The following SLIT3 variants were observed in gnomAD, a reference collection of about 807,000 sequenced individuals.
The protein encoded by SLIT3 is slit guidance ligand 3.
In SLIT3, 68 loss-of-function variants were observed where a neutral mutation model predicts 184.0. The ratio of observed to expected loss-of-function variants is 0.37; its 90% CI spans 0.30 to 0.45. The LOEUF is 0.45. Ranked by LOEUF, SLIT3 falls within the 20% of genes least tolerant of loss-of-function variation. SLIT3 has a pLI of 1.00. For missense variants in SLIT3, 1,707 were observed against 2,026.0 expected, an observed-to-expected ratio of 0.84 and a Z score of 3.02; for synonymous variants, 831 against 828.6, an observed-to-expected ratio of 1.00 and a Z score of -0.05.
At chr5:168,851,667 G>A (rs1441691230) in intron 5 of SLIT3, among the ~76,000 whole-genome samples, 5 of 152,056 alleles carry the variant, frequency 3.3e-5, no homozygotes, top group African/African-American at 1.2e-4. Context: ...AACTCCCCAA[G>A]GTTTACATGG....
intron 4 of SLIT3, among the ~76,000 whole-genome samples, chr5:168,923,930 C>A (rs751967011): frequency 1.3e-5 from 2 of 152,268 alleles, no homozygotes; most frequent in African/African-American, 4.8e-5. Flanking sequence ...AACACAGCCA[C>A]GCTCAATCAT....
rs141810924 is a variant in SLIT3 at position 169,262,992 on chromosome 5, T to C, written c.198-11533A>G. 4.4e-3 allele frequency among the ~76,000 whole-genome samples: 671 copies of C among 152,278 alleles called. 3 individuals carry two copies. The highest frequency in any genetic ancestry group is 0.015 in the African/African-American group (643 of 41,568). ...AGGGTCTTTGCAGATGTAATCAGGTTAAATTGAGGTCATTAGGGTGGACCC... is the reference window on the plus strand; with the variant it reads ...AGGGTCTTTGCAGATGTAATCAGGTCAAATTGAGGTCATTAGGGTGGACCC... On this transcript the variant is annotated intron_variant, in intron 1 of 35. Transcript: ENST00000519560.
chr5:168,811,515 A>G (rs572337544), intron 8 of SLIT3, among the ~76,000 whole-genome samples: 9 of 152,346 alleles, frequency 5.9e-5, no homozygotes, highest in African/African-American at 2.2e-4. Flanking sequence ...ACTGAAAACC[A>G]TCAGAGCCTT....
intron 4 of SLIT3, among the ~76,000 whole-genome samples, chr5:169,046,865 T>G (rs1342101245): frequency 6.6e-6 from 1 of 152,126 alleles, no homozygotes; most frequent in Non-Finnish European, 1.5e-5. Context: ...TCCAGAGCCC[T>G]CTCTCCAGGC....
At chr5:169,147,351 C>G (rs1262284463) in intron 4 of SLIT3, among the ~76,000 whole-genome samples, 1 of 152,212 alleles carries the variant, frequency 6.6e-6, no homozygotes. Flanking sequence ...TCACTGCAAC[C>G]TCCACCTCCC....
chr5:168,902,468 G>A (rs1021795549), intron 4 of SLIT3, among the ~76,000 whole-genome samples: 6 of 152,216 alleles, frequency 3.9e-5, no homozygotes, highest in African/African-American at 7.2e-5. Flanking sequence ...TGCGTGATAA[G>A]CAGTCAGAGG....
At position 169,297,136 on chromosome 5, in the gene SLIT3, C is replaced by T. The variant is rs76783968; in HGVS notation, c.197+3377G>A. ...CACCGCCATCCACTTCCTCTCCTCT[C>T]GTCCTCTATCTTTGCTGCACGGATA... On this transcript the variant is annotated intron_variant, in intron 1 of 35. Coordinates refer to ENST00000519560, the MANE Select transcript of SLIT3 (RefSeq NM_003062.4). Among the ~76,000 whole-genome samples the T allele has an allele frequency of 5.7e-3, 863 of 152,354 alleles. 12 individuals carry two copies. The highest frequency in any genetic ancestry group is 0.02 in the African/African-American group (830 of 41,582).
intron 4 of SLIT3, among the ~76,000 whole-genome samples, chr5:169,133,731 G>A (rs981608704): frequency 1.6e-4 from 24 of 152,176 alleles, no homozygotes; most frequent in African/African-American, 5.8e-4. Context: ...CAATTTCACT[G>A]CAGATGACAA....
intron 4 of SLIT3, among the ~76,000 whole-genome samples, chr5:168,897,646 G>GCGCGCGCGCGCACACACACACA: frequency 9.5e-6 from 1 of 105,448 alleles, no homozygotes; most frequent in Non-Finnish European, 2.0e-5. Context: ...ACAGGTGCAC[G>GCGCGCGCGCGCACACACACACA]TACACACACA....
At chr5:168,962,311 AACAC>A (rs70979116) in intron 4 of SLIT3, among the ~76,000 whole-genome samples, 34 of 147,628 alleles carry the variant, frequency 2.3e-4, no homozygotes, top group Non-Finnish European at 3.4e-4. Flanking sequence ...CCCACCCCAC[AACAC>A]ACACACACAC....
rs540140155 is a variant in SLIT3 at position 168,723,533 on chromosome 5, T to C, written c.2340-529A>G. ...ATTTCACTGTACCAACAAAATATGA[T>C]ACATATAATAACAATCTCTCCTTGT... is the stretch of plus-strand genomic sequence containing the variant. On this transcript the variant is annotated intron_variant, in intron 21 of 35. Transcript: ENST00000519560. Among the ~76,000 whole-genome samples the C allele has an allele frequency of 7.9e-5, 12 of 152,378 alleles. No individual in the cohort carries two copies. The South Asian group carries it at 2.5e-3, about 32-fold the overall frequency.
intron 4 of SLIT3, among the ~76,000 whole-genome samples, chr5:168,960,611 C>T (rs1338553123): frequency 6.6e-6 from 1 of 152,212 alleles, no homozygotes; most frequent in Non-Finnish European, 1.5e-5. Flanking sequence ...GAGGCATGTT[C>T]TTATTAGTGT....
intron 5 of SLIT3, among the ~76,000 whole-genome samples, chr5:168,865,983 G>C (rs1759285232): frequency 6.6e-6 from 1 of 152,126 alleles, no homozygotes; most frequent in Non-Finnish European, 1.5e-5. Context: ...TTCCTAAGCA[G>C]CTTGACCTTC....
chr5:168,856,625 C>T (rs1758878378), intron 5 of SLIT3, among the ~76,000 whole-genome samples: 1 of 152,158 alleles, frequency 6.6e-6, no homozygotes, highest in South Asian at 2.1e-4. Context: ...CACCGCTAGG[C>T]TCCCAAGTCC....
At chr5:168,812,633 C>G (rs1757198694) in intron 8 of SLIT3, among the ~76,000 whole-genome samples, 1 of 152,168 alleles carries the variant, frequency 6.6e-6, no homozygotes, top group Non-Finnish European at 1.5e-5. Flanking sequence ...AATTAAGCAT[C>G]CTTACTGGCC....
At chr5:168,666,836 T>G (rs1356188963) in intron 35 of SLIT3, 147 bp from the exon 36 acceptor site, 1 of 1,307,810 alleles carries the variant, frequency 7.6e-7, no homozygotes, top group South Asian at 1.3e-5. Flanking sequence ...CTCCCCTCCA[T>G]CCACCCATCT....
At chr5:168,986,978 G>T (rs954683735) in intron 4 of SLIT3, among the ~76,000 whole-genome samples, 4 of 152,202 alleles carry the variant, frequency 2.6e-5, no homozygotes. Context: ...AACCCGGGAG[G>T]CAGAGGTTGC....
intron 23 of SLIT3, chr5:168,718,083 AC>A (rs1228925506): frequency 6.6e-6 from 1 of 151,916 alleles, no homozygotes; most frequent in East Asian, 1.9e-4. Context: ...CAAAGTGCCA[AC>A]CCTGGACCAT....
intron 4 of SLIT3, among the ~76,000 whole-genome samples, chr5:169,123,762 G>A (rs1760975478): frequency 6.6e-6 from 1 of 152,198 alleles, no homozygotes; most frequent in East Asian, 1.9e-4. Flanking sequence ...GCTACCAAGA[G>A]GTGGAAGGGG....
Sources: gnomAD v4.1 joint callset for allele counts (sites outside exome capture counted in the v4.1 genomes callset) on GRCh38, gnomAD v4.1.1 for gene constraint, MANE v1.5 for transcripts, NCBI Gene and HGNC (gene_info 2026-07-23, HGNC 2026-07-21) for gene names.